Variants in SEMA3D observed in about 807,000 individuals in gnomAD.
The protein encoded by SEMA3D is semaphorin 3D, also known as semaphorin-3D.
Under a neutral mutation model 100.1 loss-of-function variants are expected in SEMA3D, and 84 were observed. That is an observed-to-expected ratio of 0.84 (90% CI 0.70 to 1.01). The LOEUF (loss-of-function observed/expected upper bound fraction) is 1.01. Among genes scored for constraint, SEMA3D ranks in the 50% least tolerant of loss-of-function variants. SEMA3D has a pLI of 0.00. For synonymous variants in SEMA3D, 312 were observed against 320.7 expected (o/e 0.97, Z 0.29); for missense variants, 875 against 934.1 (o/e 0.94, Z 0.82).
intron 2 of SEMA3D, among the ~76,000 whole-genome samples, chr7:85,151,127 ATAAT>A (rs1417110739): frequency 2.6e-5 from 4 of 151,750 alleles, no homozygotes; most frequent in Admixed American, 2.6e-4. Context: ...CCGCACATAT[ATAAT>A]TAGAGACGTT....
chr7:85,063,883 A>T (rs886645640), intron 8 of SEMA3D, among the ~76,000 whole-genome samples: 6 of 152,186 alleles, frequency 3.9e-5, no homozygotes, highest in Non-Finnish European at 8.8e-5. Flanking sequence ...ATCATCCCTG[A>T]GGTCGGTGAC....
At chr7:85,244,012 G>A in the SEMA3D span, among the ~76,000 whole-genome samples, 1 of 152,148 alleles carries the variant, frequency 6.6e-6, no homozygotes. Context: ...TATACTCAAT[G>A]TATGTTGTCT....
upstream of SEMA3D, among the ~76,000 whole-genome samples, chr7:85,190,241 C>T (rs1048617364): frequency 2.6e-5 from 4 of 152,156 alleles, no homozygotes; most frequent in African/African-American, 7.2e-5. Flanking sequence ...AAAGTTTATA[C>T]ACAGAGGCAA....
chr7:85,177,755 T>C (rs1791279483), intron 1 of SEMA3D, among the ~76,000 whole-genome samples: 2 of 152,212 alleles, frequency 1.3e-5, no homozygotes, highest in South Asian at 2.1e-4. Context: ...ACAGTATTTA[T>C]TTATTATGAT....
intron 5 of SEMA3D, among the ~76,000 whole-genome samples, chr7:85,079,969 GAGA>G (rs1423304523): frequency 1.3e-5 from 2 of 152,288 alleles, no homozygotes; most frequent in East Asian, 1.9e-4. Context: ...GCCGTGGGAG[GAGA>G]AGAATACATT....
At chr7:85,026,170 T>C (rs1790385398) in intron 12 of SEMA3D, among the ~76,000 whole-genome samples, 1 of 152,034 alleles carries the variant, frequency 6.6e-6, no homozygotes, top group Non-Finnish European at 1.5e-5. Flanking sequence ...GAATCTGGAC[T>C]CAGGATATCC....
rs1174684248 is a variant in SEMA3D at position 84,998,229 on chromosome 7, C to T, written c.*1211G>A. 6.6e-6 allele frequency: 1 copy of T among 151,922 alleles called. No homozygotes were observed. Among genetic ancestry groups the T allele is most frequent in the African/African-American group, 2.4e-5 (1 of 41,378 alleles). 9.4% of individuals were successfully genotyped at this position (151,922 alleles called of 1,614,324 possible). On this transcript the variant is annotated 3_prime_UTR_variant, in exon 19 of 19. Transcript: ENST00000284136. ...CTCTGTGTGTTATATATTGTTTTCT[C>T]CTATTCACTCAAATATAATCACAAA...
At chr7:85,118,401 C>A (rs1457358710) in intron 3 of SEMA3D, among the ~76,000 whole-genome samples, 1 of 151,686 alleles carries the variant, frequency 6.6e-6, no homozygotes, top group Non-Finnish European at 1.5e-5. Context: ...TTTTGTATGT[C>A]TAGTATGTTT....
chr7:85,029,329 T>C (rs930980683), intron 12 of SEMA3D: 1 of 1,331,746 alleles, frequency 7.5e-7, no homozygotes. Context: ...AACTGAGAAG[T>C]ACAAAGCTGA....
At chr7:85,214,685 G>A in the SEMA3D span, among the ~76,000 whole-genome samples, 1 of 151,926 alleles carries the variant, frequency 6.6e-6, no homozygotes, top group Non-Finnish European at 1.5e-5. Context: ...TAGTAGAGTT[G>A]GGGTTTCACC....
rs1169811448 is a variant in SEMA3D, at chr7:85,081,659, T to G, written c.313-80A>C. The G allele has an allele frequency of 1.0e-5, 9 of 900,292 alleles. No homozygotes were observed. The African/African-American group carries it at 1.5e-4, about 15-fold the overall frequency. The allele number at this position is 900,292 out of a possible 1,614,324, so 55.8% of individuals were successfully genotyped here. ...TCTGCAATTCTGCTCAGAGAGTGAATGTGTGAAATTGAAGAATGAGTATTA... is the reference window on the plus strand; with the variant it reads ...TCTGCAATTCTGCTCAGAGAGTGAAGGTGTGAAATTGAAGAATGAGTATTA... On this transcript the variant is annotated intron_variant, in intron 4 of 18. Transcript: ENST00000284136.
chr7:85,016,640 T>C (rs1790111519), intron 15 of SEMA3D, among the ~76,000 whole-genome samples: 1 of 151,774 alleles, frequency 6.6e-6, no homozygotes, highest in Non-Finnish European at 1.5e-5. Context: ...GATTTTGTTT[T>C]CCAACAACCC....
chr7:85,177,645 G>A (rs1302419888), intron 1 of SEMA3D, among the ~76,000 whole-genome samples: 1 of 151,966 alleles, frequency 6.6e-6, no homozygotes, highest in Non-Finnish European at 1.5e-5. Flanking sequence ...TTTTGCATGA[G>A]AGCCTATAAT....
the SEMA3D span, among the ~76,000 whole-genome samples, chr7:85,244,393 C>T: frequency 6.6e-6 from 1 of 152,140 alleles, no homozygotes; most frequent in African/African-American, 2.4e-5. Context: ...ACCAACACTG[C>T]CATATTGGGA....
chr7:85,198,643 A>G, the SEMA3D span, among the ~76,000 whole-genome samples: 3 of 150,884 alleles, frequency 2.0e-5, no homozygotes, highest in East Asian at 3.9e-4. Context: ...TAATGTTTTA[A>G]TTTTTTCTTT....
At chr7:85,241,467 G>GTGTGTATATATATATATATATATATA in the SEMA3D span, among the ~76,000 whole-genome samples, 155 of 91,882 alleles carry the variant, frequency 1.7e-3, 5 homozygotes, top group African/African-American at 6.8e-3. Flanking sequence ...CTGTGTGTGT[G>GTGTGTATATATATATATATATATATA]TATATATATA....
chr7:85,183,168 T>C (rs2116582876), intron 1 of SEMA3D, among the ~76,000 whole-genome samples: 1 of 152,264 alleles, frequency 6.6e-6, no homozygotes, highest in Non-Finnish European at 1.5e-5. Context: ...GTTAGCCCAG[T>C]AGCTTTGTTA....
At chr7:85,096,033 C>G (rs1788540210) in intron 4 of SEMA3D, among the ~76,000 whole-genome samples, 2 of 151,906 alleles carry the variant, frequency 1.3e-5, no homozygotes, top group South Asian at 4.1e-4. Context: ...AGAACAAATT[C>G]CCTTAAAAGT....
At chr7:85,140,816 A>G in intron 2 of SEMA3D, 1 of 909,990 alleles carries the variant, frequency 1.1e-6, no homozygotes, top group Non-Finnish European at 1.3e-6. Flanking sequence ...ATAGACTGTG[A>G]TTATTATAAA....
Sources: gnomAD v4.1 joint callset for allele counts (sites outside exome capture counted in the v4.1 genomes callset) on GRCh38, gnomAD v4.1.1 for gene constraint, MANE v1.5 for transcripts, NCBI Gene and HGNC (gene_info 2026-07-23, HGNC 2026-07-21) for gene names.